IFT27: variants seen among roughly 807,000 people sequenced by gnomAD.
The protein encoded by IFT27 is intraflagellar transport 27, also known as intraflagellar transport protein 27 homolog.
In IFT27, 19 loss-of-function variants were observed where a neutral mutation model predicts 23.9. That is an observed-to-expected ratio of 0.79 (90% CI 0.55 to 1.16). IFT27 has a LOEUF of 1.16. IFT27 is among the 50% of genes most tolerant of loss of function. The pLI is 0.00. For missense variants in IFT27, 206 were observed against 228.7 expected (o/e 0.90, Z 0.64); for synonymous variants, 91 against 89.1 (o/e 1.02, Z -0.12).
chr22:36,772,170 G>A (rs540765618), intron 1 of IFT27, among the ~76,000 whole-genome samples: 4 of 152,252 alleles, frequency 2.6e-5, no homozygotes, highest in South Asian at 4.2e-4. Context: ...AACGTGGATC[G>A]TTGCTCAGTG....
chr22:36,764,168 C>T, intron 4 of IFT27, 132 bp from the exon 5 acceptor site: 2 of 687,886 alleles, frequency 2.9e-6, no homozygotes, highest in Admixed American at 2.2e-5. Context: ...CAGCCACACC[C>T]CCAGATGTCC....
At chr22:36,774,573 C>T (rs1038489715) in intron 1 of IFT27, among the ~76,000 whole-genome samples, 2 of 152,020 alleles carry the variant, frequency 1.3e-5, no homozygotes, top group Non-Finnish European at 2.9e-5. Flanking sequence ...TTTGGGAGGC[C>T]GAGGTGGGTG....
At chr22:36,771,874 C>G (rs1938393925) in intron 1 of IFT27, among the ~76,000 whole-genome samples, 1 of 152,146 alleles carries the variant, frequency 6.6e-6, no homozygotes, top group South Asian at 2.1e-4. Context: ...TCCATCTTGG[C>G]AAACCTTCAC....
Position 36,775,767 on chromosome 22 carries a change from G to C in IFT27, c.-60C>G. Reference sequence around the variant, plus strand: ...ACAAGAGCGGCTGCTAGAGACGCGAGTGGGTGGGCTTCGGGCCCTGGGCTG... The same window carrying C: ...ACAAGAGCGGCTGCTAGAGACGCGACTGGGTGGGCTTCGGGCCCTGGGCTG... On this transcript the variant is annotated 5_prime_UTR_variant, in exon 1 of 7. Transcript: ENST00000433985. 1.3e-6 allele frequency: 2 copies of C among 1,581,612 alleles called. No homozygotes were observed. Among genetic ancestry groups the C allele is most frequent in the South Asian group, 2.2e-5 (2 of 90,414 alleles).
chr22:36,772,852 A>C, intron 1 of IFT27: 30 of 286,312 alleles, frequency 1.0e-4, no homozygotes, highest in East Asian at 5.5e-4. Flanking sequence ...AACCAATGGC[A>C]TGTGTGTGGT....
rs2145920470 is a variant in IFT27, at chr22:36,767,332, G to T, written c.148C>A (p.Pro50Thr). 6.2e-7 allele frequency: 1 copy of T among 1,613,752 alleles called. No homozygotes were observed. The highest frequency in any genetic ancestry group is 1.7e-5 in the Admixed American group (1 of 59,996). The change falls in exon 3 of 7, where the codon CCA becomes ACA. Residue 50 changes from proline (P) to threonine (T), a missense_variant. Pro to Thr is a conservative substitution (Grantham distance 38, BLOSUM62 -1). Transcript: ENST00000433985. ...ACACTGTCTCCCGTGTCAGGAACTG[G>T]CACTGTCTTCACCACCAAATCCATT... ...TGMDLVVKTV[P>T]VPDTGDSVEL... is the part of the protein sequence containing the mutation.
chr22:36,766,115 G>T, intron 4 of IFT27, 23 bp downstream of exon 4: 1 of 1,607,508 alleles, frequency 6.2e-7, no homozygotes, highest in Non-Finnish European at 8.5e-7. Context: ...TGACAGTCAG[G>T]AAAAAGACCA....
At chr22:36,769,899 G>A (rs1938352889) in intron 1 of IFT27, among the ~76,000 whole-genome samples, 1 of 152,140 alleles carries the variant, frequency 6.6e-6, no homozygotes, top group African/African-American at 2.4e-5. Flanking sequence ...TCTTTCCTCT[G>A]ACTGTCAGTC....
At chr22:36,759,923 C>T (rs1003756172) in intron 6 of IFT27, 1 of 152,186 alleles carries the variant, frequency 6.6e-6, no homozygotes, top group Non-Finnish European at 1.5e-5. Flanking sequence ...AACCAGGTCC[C>T]GTGGAGAAAG....
chr22:36,759,539 A>C (rs970451625), intron 6 of IFT27: 1 of 152,080 alleles, frequency 6.6e-6, no homozygotes, highest in African/African-American at 2.4e-5. Context: ...AGCCACTCTC[A>C]CTCTGTTGGG....
chr22:36,767,818 T>C lies in IFT27; in HGVS notation c.79A>G (p.Ser27Gly). 1.9e-6 allele frequency: 3 copies of C among 1,614,212 alleles called. No homozygotes were observed. Among genetic ancestry groups the C allele is most frequent in the Non-Finnish European group, 2.5e-6 (3 of 1,180,030 alleles). The change falls in exon 2 of 7, where the codon AGT becomes GGT. Residue 27 changes from serine to glycine, a missense_variant. Physicochemically the swap from Ser to Gly is moderately conservative, Grantham distance 56 (BLOSUM62 0). Transcript: ENST00000433985. ...GKTALAQIFRSDGAHFQKSYT... is the reference protein window; with the variant it reads ...GKTALAQIFRGDGAHFQKSYT... ...CTTTTCTGGAAATGGGCTCCATCAC[T>C]GCGGAAGATCTGTGCCAGGGCGGTC... is the stretch of plus-strand genomic sequence containing the variant.
intron 2 of IFT27, 29 bp downstream of exon 2, chr22:36,767,754 T>C: frequency 6.3e-7 from 1 of 1,584,970 alleles, no homozygotes; most frequent in Non-Finnish European, 8.7e-7. Context: ...CTCTATAAGC[T>C]GTGGCCAGGT....
At chr22:36,773,674 A>AAAG (rs1938437374) in intron 1 of IFT27, among the ~76,000 whole-genome samples, 2 of 151,692 alleles carry the variant, frequency 1.3e-5, no homozygotes, top group Middle Eastern at 3.4e-3. Flanking sequence ...AAAAAAAAAA[A>AAAG]TAGAAGGACA....
intron 1 of IFT27, among the ~76,000 whole-genome samples, chr22:36,770,505 A>G (rs762594254): frequency 3.9e-5 from 6 of 152,000 alleles, no homozygotes; most frequent in Non-Finnish European, 7.4e-5. Context: ...TGTATATCCA[A>G]AAACCCGTGT....
intron 4 of IFT27, among the ~76,000 whole-genome samples, chr22:36,765,204 C>T (rs933226412): frequency 1.3e-5 from 2 of 152,304 alleles, no homozygotes; most frequent in Non-Finnish European, 2.9e-5. Context: ...GGTTTTAACT[C>T]AAGAAATCCT....
Position 36,763,032 on chromosome 22 carries a change from C to A in IFT27, c.353-19G>T. On this transcript the variant is annotated intron_variant, in intron 5 of 6. Coordinates refer to ENST00000433985, the MANE Select transcript of IFT27 (RefSeq NM_001177701.3). ...AAAACACCTACTCAGAAGAAACAAC[C>A]AAAATATGGCACTTCACTGTCACAC... 1.3e-6 allele frequency: 2 copies of A among 1,543,178 alleles called. No individual in the cohort carries two copies. Among genetic ancestry groups the A allele is most frequent in the Middle Eastern group, 1.7e-4 (1 of 5,872 alleles).
chr22:36,772,444 T>C (rs1186205539), intron 1 of IFT27: 1 of 901,586 alleles, frequency 1.1e-6, no homozygotes. Flanking sequence ...GCACAGTGCC[T>C]GGCATATATA....
chr22:36,775,740 G>A lies in IFT27; in HGVS notation c.-33C>T, dbSNP rs780431589. ...AACACTCCCGCGAGCCGTACCCAGAGGACAAGAGCGGCTGCTAGAGACGCG... is the reference window on the plus strand; with the variant it reads ...AACACTCCCGCGAGCCGTACCCAGAAGACAAGAGCGGCTGCTAGAGACGCG... On this transcript the variant is annotated 5_prime_UTR_variant, in exon 1 of 7. Transcript: ENST00000433985. 18 of 1,613,548 alleles carry A rather than the reference G, an allele frequency of 1.1e-5. No individual in the cohort carries two copies. In the Admixed American group the frequency reaches 2.8e-4, roughly 25 times the overall value.
intron 2 of IFT27, 101 bp from the exon 3 acceptor site, chr22:36,767,466 A>C (rs1938283903): frequency 9.6e-7 from 1 of 1,041,260 alleles, no homozygotes; most frequent in Non-Finnish European, 1.4e-6. Flanking sequence ...GGCTATCTCC[A>C]GTGGAAGGGT....
Sources: gnomAD v4.1 joint callset for allele counts (sites outside exome capture counted in the v4.1 genomes callset) on GRCh38, gnomAD v4.1.1 for gene constraint, MANE v1.5 for transcripts, NCBI Gene and HGNC (gene_info 2026-07-23, HGNC 2026-07-21) for gene names.